The following LTBP1 variants were observed in gnomAD, a reference collection of about 807,000 sequenced individuals.
The protein encoded by LTBP1 is latent transforming growth factor beta binding protein 1.
LTBP1 carries 129 observed loss-of-function variants against 207.6 expected under a neutral mutation model. The observed-to-expected ratio is 0.62, with a 90% CI of 0.54 to 0.72. LTBP1 has a LOEUF of 0.72. Among genes scored for constraint, LTBP1 ranks in the 30% least tolerant of loss-of-function variants. The probability of loss-of-function intolerance (pLI) is 0.00; values close to 1 mark genes in which losing one functional copy is unlikely to be tolerated. For missense variants in LTBP1, 2,281 were observed against 2,217.2 expected (o/e 1.03, Z -0.58); for synonymous variants, 963 against 833.7 (o/e 1.16, Z -2.67).
chr2:33,234,859 G>A (rs908129566), intron 9 of LTBP1, among the ~76,000 whole-genome samples: 1 of 152,106 alleles, frequency 6.6e-6, no homozygotes, highest in Non-Finnish European at 1.5e-5. Flanking sequence ...GCAGAAAACA[G>A]AAACTGGACC....
Position 33,398,681 on chromosome 2 carries a change from G to A in LTBP1, c.*136G>A. 1.3e-6 allele frequency: 1 copy of A among 785,308 alleles called. No homozygotes were observed. Among genetic ancestry groups the A allele is most frequent in the Non-Finnish European group, 1.9e-6 (1 of 516,636 alleles). 48.6% of individuals were successfully genotyped at this position (785,308 alleles called of 1,614,324 possible). A position where few individuals can be genotyped will look rare whatever the true frequency, so the allele number is the denominator to read the frequency against. Reference sequence around the variant, plus strand: ...AACAGCATGGAATTGCAAGTCCTCTGAAGACAATGAGAGGATTTAGGATGA... The same window carrying A: ...AACAGCATGGAATTGCAAGTCCTCTAAAGACAATGAGAGGATTTAGGATGA... On this transcript the variant is annotated 3_prime_UTR_variant, in exon 34 of 34. Coordinates refer to ENST00000404816, the MANE Select transcript of LTBP1 (RefSeq NM_206943.4).
intron 13 of LTBP1, among the ~76,000 whole-genome samples, chr2:33,260,919 C>G (rs1451510661): frequency 6.6e-6 from 1 of 152,116 alleles, no homozygotes; most frequent in East Asian, 1.9e-4. Flanking sequence ...TTCTTGTATA[C>G]TTTTACTGCA....
chr2:33,349,653 G>GT (rs2094753029), intron 26 of LTBP1, among the ~76,000 whole-genome samples: 1 of 152,132 alleles, frequency 6.6e-6, no homozygotes, highest in African/African-American at 2.4e-5. Flanking sequence ...AATTTTTACA[G>GT]TTTTTCTCAA....
At chr2:33,252,093 G>C (rs755694951) in intron 10 of LTBP1, among the ~76,000 whole-genome samples, 1 of 152,210 alleles carries the variant, frequency 6.6e-6, no homozygotes, top group Non-Finnish European at 1.5e-5. Context: ...CTGGTGTACT[G>C]TCTGGCTAGA....
At chr2:33,112,343 G>T (rs555551401) in intron 4 of LTBP1, among the ~76,000 whole-genome samples, 15 of 152,188 alleles carry the variant, frequency 9.9e-5, no homozygotes, top group Non-Finnish European at 1.5e-4. Context: ...TGGTTGAACT[G>T]TGTTCTGAAA....
intron 2 of LTBP1, among the ~76,000 whole-genome samples, chr2:33,008,385 A>G (rs1167959610): frequency 6.6e-6 from 1 of 152,248 alleles, no homozygotes. Flanking sequence ...TGTTTAAAGT[A>G]GCCCTTAAGT....
chr2:33,296,329 C>A (rs967587224), intron 20 of LTBP1, among the ~76,000 whole-genome samples: 1 of 152,064 alleles, frequency 6.6e-6, no homozygotes, highest in East Asian at 1.9e-4. Context: ...AGCTAGCATT[C>A]TCTGACCTAT....
chr2:33,146,288 TCAAGA>T (rs1362540886), intron 5 of LTBP1, among the ~76,000 whole-genome samples: 1 of 152,210 alleles, frequency 6.6e-6, no homozygotes, highest in Non-Finnish European at 1.5e-5. Context: ...CTTCTTACTC[TCAAGA>T]CAAAATCTAG....
intron 7 of LTBP1, among the ~76,000 whole-genome samples, chr2:33,192,473 G>GA (rs1000718520): frequency 4.0e-5 from 6 of 151,166 alleles, no homozygotes; most frequent in Non-Finnish European, 7.4e-5. Flanking sequence ...CACTCAGACA[G>GA]AAAAAACAAT....
At position 33,019,799 on chromosome 2, in the gene LTBP1, C is replaced by T. The variant is rs2075065134; in HGVS notation, c.566-1110C>T. 1.3e-5 allele frequency among the ~76,000 whole-genome samples: 2 copies of T among 152,062 alleles called. 1 individual carries two copies. Among genetic ancestry groups the T allele is most frequent in the South Asian group, 4.1e-4 (2 of 4,824 alleles). ...AGTGCTGTGATCACGGTCACTGCAG[C>T]CTCGACCTCCTGAGCTCAAGAGCCT... On this transcript the variant is annotated intron_variant, in intron 2 of 33. Transcript: ENST00000404816.
chr2:33,067,990 A>G (rs977749380), intron 3 of LTBP1, among the ~76,000 whole-genome samples: 5 of 152,200 alleles, frequency 3.3e-5, no homozygotes, highest in Non-Finnish European at 7.3e-5. Context: ...TATAATAAAA[A>G]TTTTTAAATG....
chr2:33,338,251 A>G (rs1021749116), intron 24 of LTBP1, among the ~76,000 whole-genome samples: 4 of 152,240 alleles, frequency 2.6e-5, no homozygotes, highest in African/African-American at 7.2e-5. Flanking sequence ...TCACTGTTAC[A>G]GTAAGTCTGA....
chr2:33,339,745 A>C (rs750628213), intron 24 of LTBP1, among the ~76,000 whole-genome samples: 1 of 151,804 alleles, frequency 6.6e-6, no homozygotes, highest in African/African-American at 2.4e-5. Flanking sequence ...TCCCAGGTTC[A>C]AGCAATTCTC....
chr2:33,281,699 T>A (rs1573596090), intron 19 of LTBP1, among the ~76,000 whole-genome samples: 1 of 152,336 alleles, frequency 6.6e-6, no homozygotes, highest in African/African-American at 2.4e-5. Context: ...GAGTCTCTGC[T>A]GATGGAGTTG....
At chr2:33,310,911 TG>T (rs1426877071) in intron 23 of LTBP1, among the ~76,000 whole-genome samples, 1 of 152,208 alleles carries the variant, frequency 6.6e-6, no homozygotes, top group East Asian at 1.9e-4. Flanking sequence ...ACCCAATAAA[TG>T]TTATTTTTTT....
chr2:33,327,637 C>A (rs532941766), intron 24 of LTBP1, among the ~76,000 whole-genome samples: 1 of 152,192 alleles, frequency 6.6e-6, no homozygotes, highest in African/African-American at 2.4e-5. Flanking sequence ...AGAATGTCTT[C>A]CAATAAGCAG....
At chr2:32,962,956 A>G (rs150691) in intron 2 of LTBP1, among the ~76,000 whole-genome samples, 63,234 of 152,120 alleles carry the variant, frequency 0.42, 13,926 homozygotes, top group Non-Finnish European at 0.48. Context: ...AGCAGAACCC[A>G]TCTCCTCCTC....
chr2:33,199,760 A>G (rs1221650551), intron 7 of LTBP1, among the ~76,000 whole-genome samples: 1 of 152,190 alleles, frequency 6.6e-6, no homozygotes, highest in African/African-American at 2.4e-5. Flanking sequence ...TTAAGCTGAT[A>G]AGCAACTTCA....
intron 20 of LTBP1, among the ~76,000 whole-genome samples, chr2:33,293,488 A>C (rs1424550156): frequency 6.6e-6 from 1 of 152,140 alleles, no homozygotes; most frequent in Non-Finnish European, 1.5e-5. Flanking sequence ...GAAACGATGT[A>C]TTTTTAGAGA....
Sources: gnomAD v4.1 joint callset for allele counts (sites outside exome capture counted in the v4.1 genomes callset) on GRCh38, gnomAD v4.1.1 for gene constraint, MANE v1.5 for transcripts, NCBI Gene and HGNC (gene_info 2026-07-23, HGNC 2026-07-21) for gene names.